NECTIN3: variants seen among roughly 807,000 people sequenced by gnomAD.
NECTIN3 encodes the protein nectin cell adhesion molecule 3.
In NECTIN3, 8 loss-of-function variants were observed where a neutral mutation model predicts 49.4. The ratio of observed to expected loss-of-function variants is 0.16; its 90% CI spans 0.10 to 0.29. The LOEUF (loss-of-function observed/expected upper bound fraction) is 0.29. Ranked by LOEUF, NECTIN3 falls within the 10% of genes least tolerant of loss-of-function variation. The pLI, the probability that NECTIN3 is intolerant of heterozygous loss-of-function variation, is 1.00. For missense variants in NECTIN3, 581 were observed against 654.6 expected (o/e 0.89, Z 1.23); for synonymous variants, 277 against 241.1 (o/e 1.15, Z -1.38).
At chr3:111,094,366 G>T (rs976290336) in intron 1 of NECTIN3, among the ~76,000 whole-genome samples, 1 of 152,090 alleles carries the variant, frequency 6.6e-6, no homozygotes, top group South Asian at 2.1e-4. Flanking sequence ...TAATGTTTAA[G>T]GTACTCCTAT....
At chr3:111,175,622 T>G (rs1277702272) in intron 7 of NECTIN3, among the ~76,000 whole-genome samples, 4 of 152,150 alleles carry the variant, frequency 2.6e-5, no homozygotes, top group Admixed American at 2.6e-4. Context: ...CATTCACCTC[T>G]GTAGAGCTCA....
chr3:111,120,347 A>G (rs1221277582), intron 3 of NECTIN3, among the ~76,000 whole-genome samples: 1 of 152,096 alleles, frequency 6.6e-6, no homozygotes, highest in Non-Finnish European at 1.5e-5. Flanking sequence ...TGTTCTTAGA[A>G]TAGTCATGAC....
chr3:111,152,503 TA>T (rs2035020747), intron 7 of NECTIN3, among the ~76,000 whole-genome samples: 1 of 151,878 alleles, frequency 6.6e-6, no homozygotes, highest in East Asian at 1.9e-4. Flanking sequence ...TTCAAGTGTT[TA>T]AAAAGCCATT....
chr3:111,127,805 T>C (rs1432157053), intron 5 of NECTIN3, among the ~76,000 whole-genome samples: 1 of 152,076 alleles, frequency 6.6e-6, no homozygotes, highest in Non-Finnish European at 1.5e-5. Flanking sequence ...TGAGCTCAAG[T>C]GATCTGCCCA....
chr3:111,094,593 A>G (rs1009240711), intron 1 of NECTIN3, among the ~76,000 whole-genome samples: 10 of 152,068 alleles, frequency 6.6e-5, no homozygotes, highest in African/African-American at 1.7e-4. Flanking sequence ...ACCAAGCACA[A>G]TCAGCAGTGG....
At chr3:111,160,264 C>T (rs143981274) in intron 7 of NECTIN3, among the ~76,000 whole-genome samples, 361 of 152,264 alleles carry the variant, frequency 2.4e-3, no homozygotes, top group African/African-American at 8.2e-3. Flanking sequence ...ATCTTAAAAT[C>T]CCTGTCAATT....
At chr3:111,073,332 T>C (rs1307558918) in intron 1 of NECTIN3, 1 of 151,540 alleles carries the variant, frequency 6.6e-6, no homozygotes, top group Non-Finnish European at 1.5e-5. Flanking sequence ...AGGAGGAGAA[T>C]CCTGTTACAT....
chr3:111,140,399 A>G (rs575293719), downstream of NECTIN3, among the ~76,000 whole-genome samples: 4 of 151,582 alleles, frequency 2.6e-5, no homozygotes, highest in South Asian at 6.2e-4. Context: ...TTAGATTGCC[A>G]TGCAAATTTT....
At chr3:111,094,183 AAAC>A (rs766819490) in intron 1 of NECTIN3, among the ~76,000 whole-genome samples, 5 of 151,890 alleles carry the variant, frequency 3.3e-5, no homozygotes, top group Admixed American at 6.6e-5. Context: ...GGAAAAGACA[AAAC>A]AAAAAAAAAC....
At chr3:111,157,460 G>A (rs57417964) in intron 7 of NECTIN3, among the ~76,000 whole-genome samples, 3 of 151,714 alleles carry the variant, frequency 2.0e-5, no homozygotes, top group Admixed American at 2.0e-4. Context: ...CTACATAGTT[G>A]GTCTGTTTTT....
chr3:111,136,982 G>T lies in NECTIN3; in HGVS notation c.*2767G>T. The T allele has an allele frequency of 1.0e-6, 1 of 977,738 alleles. No individual in the cohort carries two copies. The allele number at this position is 977,738 out of a possible 1,614,324, so 60.6% of individuals were successfully genotyped here. A position where few individuals can be genotyped will look rare whatever the true frequency, so the allele number is the denominator to read the frequency against. On this transcript the variant is annotated 3_prime_UTR_variant, in exon 6 of 6. Coordinates refer to ENST00000485303, the MANE Select transcript of NECTIN3 (RefSeq NM_015480.3). The stretch of plus-strand genomic sequence containing the variant: ...TTCTATTTGCTAACTCTAATATTGA[G>T]GAAACTATTAAGGTTTTCAGTAGTA...
intron 1 of NECTIN3, among the ~76,000 whole-genome samples, chr3:111,084,309 A>G (rs1289592965): frequency 6.6e-6 from 1 of 152,132 alleles, no homozygotes; most frequent in East Asian, 1.9e-4. Flanking sequence ...TAAGACATCA[A>G]CTAAGAATGA....
At chr3:111,073,627 T>G (rs2030963341) in intron 1 of NECTIN3, 1 of 152,664 alleles carries the variant, frequency 6.6e-6, no homozygotes, top group Admixed American at 6.5e-5. Flanking sequence ...TGCTGTTCTA[T>G]TCCATGAAGG....
intron 4 of NECTIN3, among the ~76,000 whole-genome samples, 180 bp from the exon 5 acceptor site, chr3:111,126,004 T>C (rs2034150592): frequency 6.6e-6 from 1 of 152,188 alleles, no homozygotes; most frequent in African/African-American, 2.4e-5. Flanking sequence ...ATGGCCTTTA[T>C]TCATTCATCT....
intron 1 of NECTIN3, among the ~76,000 whole-genome samples, chr3:111,080,898 TAGTA>T (rs1413423380): frequency 6.6e-6 from 1 of 152,112 alleles, no homozygotes; most frequent in Non-Finnish European, 1.5e-5. Flanking sequence ...ACAGAAATAT[TAGTA>T]AGGGCTGGAA....
At position 111,171,681 on chromosome 3, in the gene NECTIN3, C is replaced by T. The variant is rs181683082; in HGVS notation, c.1222-20670C>T. 4.0e-5 allele frequency among the ~76,000 whole-genome samples: 6 copies of T among 151,806 alleles called. No homozygotes were observed. In the East Asian group the frequency reaches 9.7e-4, roughly 24 times the overall value. The stretch of plus-strand genomic sequence containing the variant: ...CCTATTTATAGAGATATTATATGAC[C>T]CTACTGCACATGTGGGTGGGACCTC... On this transcript the variant is annotated intron_variant, in intron 7 of 8. Transcript: ENST00000493615.
At chr3:111,142,481 C>A (rs1010487971), downstream of NECTIN3, among the ~76,000 whole-genome samples, 1 of 151,598 alleles carries the variant, frequency 6.6e-6, no homozygotes, top group African/African-American at 2.4e-5. Context: ...CTCATAGAAT[C>A]CTAGAGCTAG....
chr3:111,074,620 G>T (rs1205897307), intron 1 of NECTIN3, among the ~76,000 whole-genome samples: 1 of 151,978 alleles, frequency 6.6e-6, no homozygotes, highest in African/African-American at 2.4e-5. Flanking sequence ...CTTGCTGGCC[G>T]TTTGTTTTGG....
Position 111,161,921 on chromosome 3 carries a change from G to A in NECTIN3, c.1221+14437G>A, listed in dbSNP as rs144086891. 3.9e-3 allele frequency among the ~76,000 whole-genome samples: 598 copies of A among 152,128 alleles called. 6 individuals are homozygous for A. Among genetic ancestry groups the A allele is most frequent in the African/African-American group, 0.013 (554 of 41,490 alleles). ...TTCATTTAGTGTAGTCCACCTTTGG[G>A]CCTGGATTTCCGTCAGCCAGCCAAC... On this transcript the variant is annotated intron_variant, in intron 7 of 8. Transcript: ENST00000493615.
Sources: allele counts gnomAD v4.1 joint callset (sites outside exome capture counted in the v4.1 genomes callset), GRCh38; gene constraint gnomAD v4.1.1; transcripts MANE v1.5; gene names NCBI Gene and HGNC (gene_info 2026-07-23, HGNC 2026-07-21).